Variants in TRPS1 observed in about 807,000 individuals in gnomAD.
TRPS1 encodes zinc finger transcription factor Trps1.
TRPS1 carries 6 observed loss-of-function variants against 101.2 expected under a neutral mutation model. The ratio of observed to expected loss-of-function variants is 0.06; its 90% CI spans 0.03 to 0.12. The LOEUF is 0.12. Among genes scored for constraint, TRPS1 ranks in the 10% least tolerant of loss-of-function variants. The pLI is 1.00. For missense variants in TRPS1, 1,363 were observed against 1,567.0 expected (o/e 0.87, Z 2.20); for synonymous variants, 578 against 589.8 (o/e 0.98, Z 0.29).
intron 1 of TRPS1, among the ~76,000 whole-genome samples, chr8:115,644,334 C>A (rs1171617677): frequency 6.6e-6 from 1 of 152,232 alleles, no homozygotes; most frequent in African/African-American, 2.4e-5. Context: ...TCTTCATCAT[C>A]ACTTGCTGCT....
chr8:115,476,724 A>T (rs1211719249), intron 5 of TRPS1, among the ~76,000 whole-genome samples: 1 of 152,200 alleles, frequency 6.6e-6, no homozygotes, highest in East Asian at 1.9e-4. Context: ...ATATTTGCAC[A>T]AAATTATGAA....
At chr8:115,655,740 A>G (rs1428682009) in intron 1 of TRPS1, among the ~76,000 whole-genome samples, 1 of 152,168 alleles carries the variant, frequency 6.6e-6, no homozygotes, top group Non-Finnish European at 1.5e-5. Context: ...AACTTTTCAT[A>G]ATTTATCTGT....
intron 5 of TRPS1, among the ~76,000 whole-genome samples, chr8:115,476,418 A>G: frequency 6.6e-6 from 1 of 152,336 alleles, no homozygotes; most frequent in South Asian, 2.1e-4. Context: ...GGTAATATTG[A>G]GCTCAAATTG....
intron 5 of TRPS1, among the ~76,000 whole-genome samples, chr8:115,531,866 C>T (rs187113780): frequency 9.2e-5 from 14 of 152,010 alleles, no homozygotes; most frequent in Admixed American, 7.2e-4. Flanking sequence ...CTGATGGAGG[C>T]GGGTGCTTAT....
Position 115,581,319 on chromosome 8 carries a change from G to A in TRPS1, c.2700+5682C>T, listed in dbSNP as rs535201296. On this transcript the variant is annotated intron_variant, in intron 5 of 6. Coordinates refer to ENST00000395715, the MANE Select transcript of TRPS1 (RefSeq NM_014112.5). ...AGGATATGAAGTTATAGCTAGACGG[G>A]AGGAGTAAGTTTCAGTGTTCTGTAG... 9.2e-5 allele frequency among the ~76,000 whole-genome samples: 14 copies of A among 152,250 alleles called. No individual in the cohort carries two copies. In the East Asian group the frequency reaches 2.1e-3, roughly 23 times the overall value.
intron 5 of TRPS1, among the ~76,000 whole-genome samples, chr8:115,462,984 G>T (rs1230674299): frequency 6.6e-6 from 1 of 152,110 alleles, no homozygotes; most frequent in Non-Finnish European, 1.5e-5. Context: ...ATTCTTAATG[G>T]CTTTAAGTCT....
chr8:115,434,438 T>C (rs1813400012), intron 5 of TRPS1, among the ~76,000 whole-genome samples: 1 of 152,200 alleles, frequency 6.6e-6, no homozygotes, highest in African/African-American at 2.4e-5. Flanking sequence ...TTTACTTTAA[T>C]AGTCTAACAG....
At chr8:115,442,581 A>G (rs28754567) in intron 5 of TRPS1, among the ~76,000 whole-genome samples, 7,180 of 125,068 alleles carry the variant, frequency 0.057, 245 homozygotes, top group Non-Finnish European at 0.082. Flanking sequence ...GTGTGTGTGT[A>G]TGTGTGTGTG....
intron 5 of TRPS1, among the ~76,000 whole-genome samples, chr8:115,470,346 C>T (rs142042860): frequency 7.8e-4 from 119 of 152,222 alleles, no homozygotes; most frequent in Middle Eastern, 6.8e-3. Flanking sequence ...ATATGAAATG[C>T]TGTTTGCTTA....
chr8:115,510,511 G>T (rs2130183518), intron 5 of TRPS1, among the ~76,000 whole-genome samples: 1 of 151,896 alleles, frequency 6.6e-6, no homozygotes, highest in Admixed American at 6.6e-5. Flanking sequence ...GTTCTCTGGG[G>T]CTTCGTCTGT....
At chr8:115,449,417 C>T (rs892961876) in intron 5 of TRPS1, among the ~76,000 whole-genome samples, 2 of 152,188 alleles carry the variant, frequency 1.3e-5, no homozygotes, top group Non-Finnish European at 2.9e-5. Context: ...ACTAACAGTC[C>T]ATTCAGCGTG....
Position 115,418,250 on chromosome 8 carries a change from G to A in TRPS1, c.2823+80C>T. 1.2e-6 allele frequency: 2 copies of A among 1,612,002 alleles called. No homozygotes were observed. Among genetic ancestry groups the A allele is most frequent in the Non-Finnish European group, 1.7e-6 (2 of 1,178,692 alleles). ...TGCGGGGGCAGGCACTGCAAGCCAGGGAATGGGACTTATCACACCACAGAC... is the reference window on the plus strand; with the variant it reads ...TGCGGGGGCAGGCACTGCAAGCCAGAGAATGGGACTTATCACACCACAGAC... On this transcript the variant is annotated intron_variant, in intron 6 of 6. Coordinates refer to ENST00000395715, the MANE Select transcript of TRPS1 (RefSeq NM_014112.5). The surrounding 1 kb of genome is among the most constrained non-coding windows in gnomAD (Gnocchi z 4.3).
At position 115,626,031 on chromosome 8, in the gene TRPS1, T is replaced by C. The variant is rs183217283; in HGVS notation, c.-121-2273A>G. ...ATGTTTTCTTCCATGCTTGCTTGTA[T>C]ACACATCAGCATAAGAGTACTGAGT... On this transcript the variant is annotated intron_variant, in intron 1 of 6. Transcript: ENST00000395715. 2.0e-5 allele frequency among the ~76,000 whole-genome samples: 3 copies of C among 152,000 alleles called. No individual in the cohort carries two copies. The East Asian group carries it at 5.8e-4, about 29-fold the overall frequency.
intron 5 of TRPS1, among the ~76,000 whole-genome samples, chr8:115,456,588 C>A (rs7822362): frequency 0.035 from 5,306 of 151,930 alleles, 300 homozygotes; most frequent in African/African-American, 0.12. Flanking sequence ...CATCTTGTAC[C>A]AACTACTCAC....
At chr8:115,577,942 A>G (rs980076804) in intron 5 of TRPS1, among the ~76,000 whole-genome samples, 2 of 152,152 alleles carry the variant, frequency 1.3e-5, no homozygotes, top group African/African-American at 4.8e-5. Flanking sequence ...TCATCCATGG[A>G]GGCAAAGCAA....
intron 4 of TRPS1, among the ~76,000 whole-genome samples, chr8:115,588,559 C>T (rs2130448835): frequency 6.6e-6 from 1 of 152,086 alleles, no homozygotes; most frequent in Middle Eastern, 3.4e-3. Context: ...TACATTAGGG[C>T]AAATATTTGA....
At chr8:115,507,302 T>G (rs190739255) in intron 5 of TRPS1, among the ~76,000 whole-genome samples, 37 of 152,156 alleles carry the variant, frequency 2.4e-4, no homozygotes, top group Middle Eastern at 6.8e-3. Context: ...CTGCAAAATA[T>G]ATAAGGGGTT....
At chr8:115,435,766 T>C (rs919318587) in intron 5 of TRPS1, among the ~76,000 whole-genome samples, 5 of 152,118 alleles carry the variant, frequency 3.3e-5, no homozygotes, top group African/African-American at 4.8e-5. Context: ...GTTTTGAAAA[T>C]CTACACTCAC....
intron 5 of TRPS1, among the ~76,000 whole-genome samples, chr8:115,497,029 C>A (rs1372568617): frequency 6.6e-6 from 1 of 152,076 alleles, no homozygotes; most frequent in East Asian, 1.9e-4. Context: ...AAAACTAATA[C>A]CAGAAAATGA....
Sources: gnomAD v4.1 joint callset for allele counts (sites outside exome capture counted in the v4.1 genomes callset) on GRCh38, gnomAD v4.1.1 for gene constraint, Gnocchi (gnomAD v3.1) non-coding constraint, MANE v1.5 for transcripts, NCBI Gene and HGNC (gene_info 2026-07-23, HGNC 2026-07-21) for gene names.